Variants in TM4SF4 observed in about 807,000 individuals in gnomAD.
The protein encoded by TM4SF4 is transmembrane 4 L6 family member 4.
Under a neutral mutation model 24.1 loss-of-function variants are expected in TM4SF4, and 24 were observed. The ratio of observed to expected loss-of-function variants is 1.00; its 90% CI spans 0.72 to 1.40. The LOEUF (loss-of-function observed/expected upper bound fraction) is 1.40. Among genes scored for constraint, TM4SF4 ranks in the 40% most tolerant of loss-of-function variants. The pLI, the probability that TM4SF4 is intolerant of heterozygous loss-of-function variation, is 0.00. For synonymous variants in TM4SF4, 113 were observed against 97.0 expected, an observed-to-expected ratio of 1.17 and a Z score of -0.97; for missense variants, 254 against 254.2, an observed-to-expected ratio of 1.00 and a Z score of 0.01.
intron 3 of TM4SF4, chr3:149,495,963 T>C: frequency 3.7e-6 from 1 of 272,786 alleles, no homozygotes; most frequent in Middle Eastern, 1.6e-3. Context: ...ACCAGAAGGC[T>C]TGGCAAGGTC....
At chr3:149,475,096 C>A (rs1455258089) in intron 1 of TM4SF4, 45 bp downstream of exon 1, 3 of 1,555,818 alleles carry the variant, frequency 1.9e-6, no homozygotes, top group Non-Finnish European at 2.6e-6. Context: ...ATTTTCCCTT[C>A]CCCACAATCC....
At chr3:149,483,626 G>T (rs942478265) in intron 2 of TM4SF4, among the ~76,000 whole-genome samples, 1 of 151,400 alleles carries the variant, frequency 6.6e-6, no homozygotes, top group Non-Finnish European at 1.5e-5. Context: ...GAACATAAAA[G>T]CATGTCTTAT....
rs1346491518 is a variant in TM4SF4 at position 149,487,731 on chromosome 3, CA to C, written c.378del (p.Trp127GlyfsTer31). 1 of 1,614,012 alleles carries C rather than the reference CA, an allele frequency of 6.2e-7. No homozygotes were observed. Among genetic ancestry groups the C allele is most frequent in the Non-Finnish European group, 8.5e-7 (1 of 1,179,888 alleles). Reference protein sequence around the residue: ...KGPKCLMANSTWGYPFHDGDY... With the variant: ...KGPKCLMANSXWGYPFHDGDY... The stretch of plus-strand genomic sequence containing the variant: ...CCTAAATGCCTCATGGCCAATAGTA[CA>C]TGGGGCTACCCCTTCCACGACGGGT... On this transcript the variant is annotated frameshift_variant, in exon 3 of 5. Coordinates refer to ENST00000305354, the MANE Select transcript of TM4SF4 (RefSeq NM_004617.4). LOFTEE classifies it high-confidence loss of function.
At chr3:149,489,122 C>T (rs1734167894) in intron 3 of TM4SF4, among the ~76,000 whole-genome samples, 1 of 152,156 alleles carries the variant, frequency 6.6e-6, no homozygotes, top group Non-Finnish European at 1.5e-5. Flanking sequence ...ATTTAGTTTA[C>T]TGTGTGAAAA....
chr3:149,501,895 C>A (rs796800625), intron 4 of TM4SF4, among the ~76,000 whole-genome samples: 1 of 152,222 alleles, frequency 6.6e-6, no homozygotes, highest in African/African-American at 2.4e-5. Flanking sequence ...AAAATACATG[C>A]TATGAGACCT....
chr3:149,486,750 G>T (rs746806893), intron 2 of TM4SF4, among the ~76,000 whole-genome samples: 8 of 152,326 alleles, frequency 5.3e-5, no homozygotes, highest in Non-Finnish European at 1.0e-4. Context: ...GGTGGAAGGG[G>T]TGAGAGATGT....
intron 4 of TM4SF4, 101 bp from the exon 5 acceptor site, chr3:149,502,575 G>A (rs1734448605): frequency 1.2e-6 from 1 of 828,204 alleles, no homozygotes; most frequent in African/African-American, 1.7e-5. Flanking sequence ...CAACCATTAA[G>A]AGCCAGGAGG....
intron 2 of TM4SF4, among the ~76,000 whole-genome samples, chr3:149,482,151 A>G (rs1258625158): frequency 6.6e-6 from 1 of 152,160 alleles, no homozygotes; most frequent in Non-Finnish European, 1.5e-5. Flanking sequence ...TATCTTACAT[A>G]TTATCTGTAA....
chr3:149,484,861 CT>C (rs1256327446), intron 2 of TM4SF4, among the ~76,000 whole-genome samples: 1 of 152,130 alleles, frequency 6.6e-6, no homozygotes, highest in Non-Finnish European at 1.5e-5. Context: ...CTAGAATACC[CT>C]TTAAACTATA....
chr3:149,491,286 G>A (rs1252634699), intron 3 of TM4SF4, among the ~76,000 whole-genome samples: 2 of 46,518 alleles, frequency 4.3e-5, no homozygotes, highest in East Asian at 7.6e-4. Flanking sequence ...CTGCTCCAGC[G>A]CCCCTCTACA....
At chr3:149,481,139 A>C (rs6440617) in intron 2 of TM4SF4, among the ~76,000 whole-genome samples, 54,439 of 152,054 alleles carry the variant, frequency 0.36, 10,273 homozygotes, top group Non-Finnish European at 0.42. Flanking sequence ...GGATTACAGT[A>C]GTGAGCCACC....
intron 2 of TM4SF4, among the ~76,000 whole-genome samples, chr3:149,480,173 T>A (rs1314840436): frequency 6.9e-6 from 1 of 145,760 alleles, no homozygotes; most frequent in Non-Finnish European, 1.5e-5. Context: ...GGTCACAGCT[T>A]CTTCCTCCCA....
intron 2 of TM4SF4, among the ~76,000 whole-genome samples, chr3:149,483,864 C>T (rs1734073962): frequency 6.6e-6 from 1 of 151,612 alleles, no homozygotes; most frequent in East Asian, 1.9e-4. Flanking sequence ...CGCTGCAACC[C>T]GTGCGTCCCA....
Position 149,502,782 on chromosome 3 carries a change from C to T in TM4SF4, c.*89C>T. 1 of 953,332 alleles carries T rather than the reference C, an allele frequency of 1.0e-6. No homozygotes were observed. The highest frequency in any genetic ancestry group is 1.7e-6 in the Non-Finnish European group (1 of 596,164). The allele number at this position is 953,332 out of a possible 1,614,324, so 59.1% of individuals were successfully genotyped here. On this transcript the variant is annotated 3_prime_UTR_variant, in exon 5 of 5. Coordinates refer to ENST00000305354, the MANE Select transcript of TM4SF4 (RefSeq NM_004617.4). ...CTTCTCTTCTTGGAATTATTAATTC[C>T]TATCTGCTTCCTAGCTGATAAAGCT...
At chr3:149,496,869 T>TA (rs35385088) in intron 3 of TM4SF4, among the ~76,000 whole-genome samples, 43,506 of 142,390 alleles carry the variant, frequency 0.31, 7,947 homozygotes, top group Non-Finnish European at 0.43. Context: ...TTATATAGAT[T>TA]AAAAAAAAAA....
intron 2 of TM4SF4, among the ~76,000 whole-genome samples, chr3:149,483,819 C>T (rs559187084): frequency 5.3e-5 from 8 of 152,264 alleles, no homozygotes; most frequent in Non-Finnish European, 8.8e-5. Context: ...CTCACTCTGT[C>T]GCCCATACTG....
intron 3 of TM4SF4, among the ~76,000 whole-genome samples, chr3:149,494,464 T>C (rs1332322198): frequency 6.6e-6 from 1 of 152,190 alleles, no homozygotes; most frequent in Non-Finnish European, 1.5e-5. Context: ...CTTCATAAAG[T>C]GTGCCTGGAA....
intron 4 of TM4SF4, among the ~76,000 whole-genome samples, chr3:149,499,132 C>G (rs541599957): frequency 6.6e-6 from 1 of 152,168 alleles, no homozygotes; most frequent in African/African-American, 2.4e-5. Context: ...TGTTAAAACA[C>G]CCAGGCTGAA....
Position 149,498,860 on chromosome 3 carries a change from T to C in TM4SF4, c.540T>C (p.Asn180=). 6.2e-7 allele frequency: 1 copy of C among 1,614,010 alleles called. No homozygotes were observed. The highest frequency in any genetic ancestry group is 8.5e-7 in the Non-Finnish European group (1 of 1,179,878). ...TTCTCTGCGCCATCCAGGTGGTCAATGGCCTCCTGGGGACCCTCTGTGGGG... is the reference window on the plus strand; with the variant it reads ...TTCTCTGCGCCATCCAGGTGGTCAACGGCCTCCTGGGGACCCTCTGTGGGG... The part of the protein sequence containing the change: ...QMVLCAIQVV[N]GLLGTLCGDC... The change falls in exon 4 of 5, where the codon AAT becomes AAC. Residue 180 remains asparagine (N), a synonymous_variant. Transcript: ENST00000305354.
Sources: gnomAD v4.1 joint callset for allele counts (sites outside exome capture counted in the v4.1 genomes callset) on GRCh38, gnomAD v4.1.1 for gene constraint, MANE v1.5 for transcripts, NCBI Gene and HGNC (gene_info 2026-07-23, HGNC 2026-07-21) for gene names.